WBP1L: variants seen among roughly 807,000 people sequenced by gnomAD.
The protein encoded by WBP1L is WW domain binding protein 1 like, also known as WW domain binding protein 1-like.
WBP1L carries 17 observed loss-of-function variants against 33.7 expected under a neutral mutation model. The ratio of observed to expected loss-of-function variants is 0.50; its 90% CI spans 0.34 to 0.76. WBP1L has a LOEUF of 0.76. WBP1L is among the 30% of genes least tolerant of loss of function. The pLI is 0.01. For missense variants in WBP1L, 389 were observed against 469.4 expected, an observed-to-expected ratio of 0.83 and a Z score of 1.58; for synonymous variants, 173 against 190.8, an observed-to-expected ratio of 0.91 and a Z score of 0.77.
intron 3 of WBP1L, 84 bp downstream of exon 3, chr10:102,810,138 C>A: frequency 6.6e-7 from 1 of 1,510,868 alleles, no homozygotes. Context: ...GGTGGCCAGG[C>A]TCCTGTAGGC....
chr10:102,807,255 C>T (rs1843750128), intron 2 of WBP1L, among the ~76,000 whole-genome samples: 1 of 151,994 alleles, frequency 6.6e-6, no homozygotes, highest in South Asian at 2.1e-4. Context: ...ATTCTTTTTA[C>T]TACAGAGAAG....
At chr10:102,812,466 A>G (rs1843857100) in intron 3 of WBP1L, 129 bp from the exon 4 acceptor site, 63 of 1,112,764 alleles carry the variant, frequency 5.7e-5, no homozygotes, top group Non-Finnish European at 7.6e-5. Context: ...CACAACCAAG[A>G]GCTGTAGCCA....
chr10:102,776,434 G>A lies in WBP1L; in HGVS notation c.91-21559G>A, dbSNP rs376790021. On this transcript the variant is annotated intron_variant, in intron 1 of 3. Transcript: ENST00000448841. ...CTTAGACAGGTAATTGTTTCTGCAC[G>A]GATCGGGTTTGGAAGGGAAGAAGGG... The A allele has an allele frequency of 2.7e-5, 43 of 1,614,002 alleles. 1 individual carries two copies. The Middle Eastern group carries it at 4.9e-4, about 19-fold the overall frequency.
At chr10:102,806,378 G>C (rs1277059150) in intron 2 of WBP1L, among the ~76,000 whole-genome samples, 2 of 152,110 alleles carry the variant, frequency 1.3e-5, no homozygotes, top group African/African-American at 4.8e-5. Context: ...CATGCAGCCA[G>C]GTTCTTAAGC....
chr10:102,801,597 C>G (rs1021336632), intron 2 of WBP1L, among the ~76,000 whole-genome samples: 1 of 152,124 alleles, frequency 6.6e-6, no homozygotes. Context: ...CTGTTCTCAT[C>G]CTGGGGCTCT....
chr10:102,805,202 G>A (rs1449470912), intron 2 of WBP1L, among the ~76,000 whole-genome samples: 1 of 152,092 alleles, frequency 6.6e-6, no homozygotes, highest in Non-Finnish European at 1.5e-5. Context: ...GGCTCCTTGA[G>A]CCCAGGAGTT....
chr10:102,765,023 T>C (rs1051134753), intron 1 of WBP1L, among the ~76,000 whole-genome samples: 62 of 152,190 alleles, frequency 4.1e-4, no homozygotes, highest in African/African-American at 1.4e-3. Context: ...GGAATTTTGC[T>C]TTTGAGATGA....
chr10:102,808,189 G>A (rs1402878576), intron 2 of WBP1L, among the ~76,000 whole-genome samples: 1 of 151,960 alleles, frequency 6.6e-6, no homozygotes, highest in African/African-American at 2.4e-5. Context: ...CAGAAAAAAA[G>A]AAAATTAATT....
Position 102,813,408 on chromosome 10 carries a change from C to A in WBP1L, c.*77C>A. The A allele has an allele frequency of 6.7e-7, 1 of 1,487,484 alleles. No individual in the cohort carries two copies. The highest frequency in any genetic ancestry group is 8.9e-7 in the Non-Finnish European group (1 of 1,120,784). The allele number at this position is 1,487,484 out of a possible 1,614,324, so 92.1% of individuals were successfully genotyped here. A position where few individuals can be genotyped will look rare whatever the true frequency, so the allele number is the denominator to read the frequency against. On this transcript the variant is annotated 3_prime_UTR_variant, in exon 4 of 4. Transcript: ENST00000448841. ...GAACCACGAGAGAAGCATTAAGTGA[C>A]TTTCAAAGACTTTCAGAGTACAGCC...
intron 1 of WBP1L, among the ~76,000 whole-genome samples, chr10:102,757,879 C>G (rs1334216233): frequency 2.7e-5 from 1 of 37,154 alleles, no homozygotes; most frequent in Admixed American, 2.8e-4. Flanking sequence ...CCTGCCCTCC[C>G]CCCCCCCCTT....
chr10:102,770,243 A>T (rs1274272657), intron 1 of WBP1L, among the ~76,000 whole-genome samples: 1 of 152,272 alleles, frequency 6.6e-6, no homozygotes, highest in South Asian at 2.1e-4. Context: ...GTTAGTATTC[A>T]TTCTCTCCTT....
At chr10:102,802,745 C>T (rs1403434556) in intron 2 of WBP1L, among the ~76,000 whole-genome samples, 2 of 152,192 alleles carry the variant, frequency 1.3e-5, no homozygotes, top group South Asian at 2.1e-4. Flanking sequence ...ATCCACCTGC[C>T]TCAGCCTCCC....
At chr10:102,749,445 AT>A in intron 1 of WBP1L, among the ~76,000 whole-genome samples, 1 of 145,706 alleles carries the variant, frequency 6.9e-6, no homozygotes. Context: ...CCTATATTTA[AT>A]TTTTTTTCTT....
At position 102,802,075 on chromosome 10, in the gene WBP1L, C is replaced by G. The variant is rs1395061226; in HGVS notation, c.193+3980C>G. Among the ~76,000 whole-genome samples the G allele has an allele frequency of 4.9e-4, 45 of 91,452 alleles. 1 individual carries two copies. The highest frequency in any genetic ancestry group is 6.7e-4 in the Non-Finnish European group (30 of 44,896). 60.0% of individuals were successfully genotyped at this position (91,452 alleles called of 152,430 possible). A position where few individuals can be genotyped will look rare whatever the true frequency, so the allele number is the denominator to read the frequency against. ...CCACCCTCCCCTACCCTTCCCCCAG[C>G]CTTTCCCTTTCCCCCTTCCCCCTCC... On this transcript the variant is annotated intron_variant, in intron 2 of 3. Transcript: ENST00000448841.
intron 1 of WBP1L, among the ~76,000 whole-genome samples, chr10:102,788,405 T>C (rs1274420471): frequency 1.3e-5 from 2 of 151,906 alleles, no homozygotes; most frequent in Non-Finnish European, 2.9e-5. Flanking sequence ...CCACCACACC[T>C]GGCTGATCTT....
chr10:102,793,527 C>A (rs1306300586), intron 1 of WBP1L, among the ~76,000 whole-genome samples: 1 of 152,186 alleles, frequency 6.6e-6, no homozygotes, highest in Non-Finnish European at 1.5e-5. Context: ...CCATTGCATT[C>A]TTTCCAGTTC....
chr10:102,767,547 A>G (rs1202195846), intron 1 of WBP1L, among the ~76,000 whole-genome samples: 2 of 152,128 alleles, frequency 1.3e-5, no homozygotes, highest in African/African-American at 4.8e-5. Context: ...AAAAAATAAA[A>G]GACTGAGGCT....
intron 1 of WBP1L, among the ~76,000 whole-genome samples, chr10:102,754,012 C>T (rs1052187611): frequency 6.6e-5 from 10 of 152,120 alleles, no homozygotes; most frequent in African/African-American, 9.7e-5. Flanking sequence ...AATTTATTTT[C>T]CTCATTTAAA....
chr10:102,777,561 CTTTTTTTTTTTTT>C (rs35713577), intron 1 of WBP1L, among the ~76,000 whole-genome samples: 2 of 55,570 alleles, frequency 3.6e-5, no homozygotes, highest in Admixed American at 2.9e-4. Flanking sequence ...AAAGGCTGTC[CTTTTTTTTTTTTT>C]TTTTTTTTTT....
Sources: gnomAD v4.1 joint callset for allele counts (sites outside exome capture counted in the v4.1 genomes callset) on GRCh38, gnomAD v4.1.1 for gene constraint, MANE v1.5 for transcripts, NCBI Gene and HGNC (gene_info 2026-07-23, HGNC 2026-07-21) for gene names.